EVPL: variants seen among roughly 807,000 people sequenced by gnomAD.
EVPL encodes the protein envoplakin.
EVPL carries 94 observed loss-of-function variants against 129.7 expected under a neutral mutation model. That is an observed-to-expected ratio of 0.72 (90% CI 0.61 to 0.86). The LOEUF is 0.86. EVPL is among the 40% of genes least tolerant of loss of function. The pLI is 0.00. For missense variants in EVPL, 2,625 were observed against 2,721.1 expected, an observed-to-expected ratio of 0.96 and a Z score of 0.79; for synonymous variants, 1,172 against 1,191.1, an observed-to-expected ratio of 0.98 and a Z score of 0.33.
intron 8 of EVPL, 43 bp from the exon 9 acceptor site, chr17:76,021,606 C>CCA: frequency 7.5e-7 from 1 of 1,336,560 alleles, no homozygotes; most frequent in Non-Finnish European, 9.9e-7. Context: ...GCCCCCCCCA[C>CCA]GTCCGCCCCA....
In EVPL at chr17:76,008,789, C is replaced by T. The variant is rs199961325; in HGVS notation, c.4416G>A (p.Pro1472=). The change falls in exon 22 of 22, where the codon CCG becomes CCA. Residue 1472 remains proline, a synonymous_variant. Coordinates refer to ENST00000301607, the MANE Select transcript of EVPL (RefSeq NM_001988.4). This position sits in a 1 kb window ranked among gnomAD's most constrained non-coding sequence, Gnocchi z 7.4. ...MEEVVKLEKD[P]DLEKSTEALR... is the part of the protein sequence containing the mutation. ...GGGCTTCCGTGGACTTCTCCAGGTCCGGGTCCTTCTCCAGCTTGACCACTT... is the reference window on the plus strand; with the variant it reads ...GGGCTTCCGTGGACTTCTCCAGGTCTGGGTCCTTCTCCAGCTTGACCACTT... 89 of 1,614,024 alleles carry T rather than the reference C, an allele frequency of 5.5e-5. No individual in the cohort carries two copies. Among genetic ancestry groups the T allele is most frequent in the Non-Finnish European group, 7.4e-5 (87 of 1,180,036 alleles).
In EVPL at chr17:76,009,270, G is replaced by A. The variant is rs145535523; in HGVS notation, c.3935C>T (p.Thr1312Met). Residue 1312 changes from threonine (T) to methionine (M), a missense_variant, in exon 22 of 22, where the codon ACG becomes ATG. Coordinates refer to ENST00000301607, the MANE Select transcript of EVPL (RefSeq NM_001988.4). The surrounding 1 kb of genome is among the most constrained non-coding windows in gnomAD (Gnocchi z 5.9). ...RRERAKVETK[T>M]VSKEVVRHEK... is the part of the protein sequence containing the mutation. The stretch of plus-strand genomic sequence containing the variant: ...GTGGCGCACCACCTCCTTGCTCACC[G>A]TCTTGGTCTCCACCTTGGCCCGCTC... The A allele has an allele frequency of 1.2e-6, 2 of 1,607,592 alleles. No homozygotes were observed. The highest frequency in any genetic ancestry group is 1.7e-6 in the Non-Finnish European group (2 of 1,179,900).
rs1231347436 is a variant in EVPL, at chr17:76,008,325, T to C, written c.4880A>G (p.Glu1627Gly). Residue 1627 changes from glutamate (E) to glycine (G), a missense_variant, in exon 22 of 22, where the codon GAG becomes GGG. Glu to Gly is a moderately conservative substitution (Grantham distance 98, BLOSUM62 -2). Transcript: ENST00000301607. This position sits in a 1 kb window ranked among gnomAD's most constrained non-coding sequence, Gnocchi z 7.4. ...GCCCCGCTGGGCCGCCTTCTGTCGC[T>C]CGCTCTCCGTCTTCTGGCTGAGCAG... is the stretch of plus-strand genomic sequence containing the variant. ...SKLLSQKTES[E>G]RQKAAQRGQE... 5.0e-6 allele frequency: 8 copies of C among 1,606,632 alleles called. No individual in the cohort carries two copies. In the South Asian group the frequency reaches 8.8e-5, roughly 18 times the overall value.
At chr17:76,021,366 A>C in intron 9 of EVPL, 102 bp downstream of exon 9, 3 of 1,100,316 alleles carry the variant, frequency 2.7e-6, no homozygotes, top group Non-Finnish European at 4.0e-6. Flanking sequence ...AGCTCTGTCT[A>C]GTTGGGAGGT....
intron 13 of EVPL, 108 bp from the exon 14 acceptor site, chr17:76,018,019 T>C: frequency 6.5e-7 from 1 of 1,549,082 alleles, no homozygotes; most frequent in East Asian, 2.3e-5. Flanking sequence ...GTGGAGGGGA[T>C]GGGCAGGGCC....
chr17:76,017,641 C>G, intron 14 of EVPL, 98 bp downstream of exon 14: 1 of 1,505,060 alleles, frequency 6.6e-7, no homozygotes, highest in Admixed American at 2.0e-5. Context: ...CATCTCCATC[C>G]CAGCCACCGC....
intron 18 of EVPL, among the ~76,000 whole-genome samples, chr17:76,012,921 T>C (rs377213386): frequency 3.8e-4 from 57 of 151,994 alleles, no homozygotes; most frequent in African/African-American, 1.2e-3. Flanking sequence ...ATTTTTTGTA[T>C]TTTTAGTAGA....
At chr17:76,018,033 C>A in intron 13 of EVPL, 122 bp from the exon 14 acceptor site, 1 of 1,534,728 alleles carries the variant, frequency 6.5e-7, no homozygotes, top group Non-Finnish European at 8.8e-7. Context: ...CAGGGCCACC[C>A]CAGAGATGAA....
Position 76,015,589 on chromosome 17 carries a change from C to G in EVPL, c.1750G>C (p.Glu584Gln). The change falls in exon 15 of 22, where the codon GAG becomes CAG. Residue 584 changes from glutamate to glutamine, a missense_variant. Physicochemically the swap from Glu to Gln is conservative, Grantham distance 29 (BLOSUM62 2). Coordinates refer to ENST00000301607, the MANE Select transcript of EVPL (RefSeq NM_001988.4). ...GCCTCGCACTCCTTCTGGGCTGTCT[C>G]CTTCTCCGTTCCCAGGCTCTGCAGG... ...QRLQSLGTEK[E>Q]TAQKECEAFL... 2 of 1,613,570 alleles carry G rather than the reference C, an allele frequency of 1.2e-6. No homozygotes were observed. Among genetic ancestry groups the G allele is most frequent in the Non-Finnish European group, 1.7e-6 (2 of 1,180,012 alleles).
rs201678162 is a variant in EVPL at position 76,019,005 on chromosome 17, C to T, written c.1193G>A (p.Arg398Gln). ...TGGCAGAGGGGCCACATCCCGGCTTCGCCGCTGCAGGTCCCCAGTGGCCCT... is the reference window on the plus strand; with the variant it reads ...TGGCAGAGGGGCCACATCCCGGCTTTGCCGCTGCAGGTCCCCAGTGGCCCT... ...TERATGDLQR[R>Q]SRDVAPLPQR... Residue 398 changes from arginine to glutamine, a missense_variant, in exon 11 of 22, where the codon CGA becomes CAA. By Grantham distance (43) the Arg-to-Gln change is conservative. Transcript: ENST00000301607. 47 of 1,570,070 alleles carry T rather than the reference C, an allele frequency of 3.0e-5. No individual in the cohort carries two copies. The highest frequency in any genetic ancestry group is 7.1e-5 in the East Asian group (3 of 42,214).
At position 76,021,457 on chromosome 17, in the gene EVPL, C is replaced by T. The variant is rs756082838; in HGVS notation, c.1011+11G>A. ...GCCCCTGCCGCCCCTGCCGCCTGCC[C>T]GAGGGCTCACCCGGCGGTAGTCCTC... On this transcript the variant is annotated intron_variant, in intron 9 of 21. Transcript: ENST00000301607. 1.2e-5 allele frequency: 20 copies of T among 1,603,032 alleles called. No homozygotes were observed. In the South Asian group the frequency reaches 2.0e-4, roughly 16 times the overall value.
At chr17:76,019,810 G>A (rs2066445058) in intron 9 of EVPL, among the ~76,000 whole-genome samples, 157 bp from the exon 10 acceptor site, 1 of 152,176 alleles carries the variant, frequency 6.6e-6, no homozygotes, top group African/African-American at 2.4e-5. Flanking sequence ...ATGTGAAACA[G>A]CTAAACTAAA....
Position 76,022,006 on chromosome 17 carries a change from T to A in EVPL, c.668A>T (p.Gln223Leu). ...DLLKAASWRGQSLGSLYTHLQ... is the reference protein window; with the variant it reads ...DLLKAASWRGLSLGSLYTHLQ... ...GTGCGTGTACAGGCTGCCCAGGCTC[T>A]GCCCGCGCCACGACGCCGCCTTCTG... Residue 223 changes from glutamine (Q) to leucine (L), a missense_variant, in exon 7 of 22, where the codon CAG becomes CTG. By Grantham distance (113) the Gln-to-Leu change is moderately radical (BLOSUM62 -2). This residue lies in a region of EVPL where 1,024 missense variants were observed against 997.5 expected (regional missense o/e 1.03). Transcript: ENST00000301607. The surrounding 1 kb of genome is among the most constrained non-coding windows in gnomAD (Gnocchi z 5.6). The A allele has an allele frequency of 6.4e-7, 1 of 1,560,904 alleles. No individual in the cohort carries two copies. Among genetic ancestry groups the A allele is most frequent in the Non-Finnish European group, 8.6e-7 (1 of 1,160,796 alleles).
Position 76,022,101 on chromosome 17 carries a change from G to T in EVPL, c.646-73C>A. On this transcript the variant is annotated intron_variant, in intron 6 of 21. Transcript: ENST00000301607. This position sits in a 1 kb window ranked among gnomAD's most constrained non-coding sequence, Gnocchi z 5.6. The stretch of plus-strand genomic sequence containing the variant: ...GGGGGGCAAAAGGCGCCATTGGGCC[G>T]CGCTCAGGAACACTGGCCCCGGGCA... 3 of 1,583,266 alleles carry T rather than the reference G, an allele frequency of 1.9e-6. No homozygotes were observed. The highest frequency in any genetic ancestry group is 2.3e-5 in the East Asian group (1 of 44,290).
Position 76,007,920 on chromosome 17 carries a change from T to C in EVPL, c.5285A>G (p.Glu1762Gly). 6.2e-7 allele frequency: 1 copy of C among 1,614,084 alleles called. No homozygotes were observed. Among genetic ancestry groups the C allele is most frequent in the Non-Finnish European group, 8.5e-7 (1 of 1,180,016 alleles). Residue 1762 changes from glutamate to glycine, a missense_variant, in exon 22 of 22, where the codon GAG becomes GGG. Physicochemically the swap from Glu to Gly is moderately conservative, Grantham distance 98. Transcript: ENST00000301607. The surrounding 1 kb of genome is among the most constrained non-coding windows in gnomAD (Gnocchi z 8.8). ...ALRCRRISKE[E>G]YHLYKDGHLP... ...GTGGCCGTCCTTGTACAGATGGTAC[T>C]CCTCCTTAGAGATGCGCCGGCAGCG...
At position 76,019,070 on chromosome 17, in the gene EVPL, GC is replaced by G; in HGVS notation, c.1138-11del. The G allele has an allele frequency of 6.4e-7, 1 of 1,573,078 alleles. No homozygotes were observed. Among genetic ancestry groups the G allele is most frequent in the Non-Finnish European group, 8.6e-7 (1 of 1,168,292 alleles). ...GCCGTTTTTCCTCTGCCTGCCGGGG[GC>G]CCAGGCAGTGGGGGACTCAGGCCAG... On this transcript the variant is annotated splice_polypyrimidine_tract_variant and intron_variant, in intron 10 of 21. Coordinates refer to ENST00000301607, the MANE Select transcript of EVPL (RefSeq NM_001988.4).
rs9906344 is a variant in EVPL, at chr17:76,022,865, G to C, written c.481-327C>G. Among the ~76,000 whole-genome samples the C allele has an allele frequency of 6.6e-6, 1 of 152,072 alleles. No individual in the cohort carries two copies. Among genetic ancestry groups the C allele is most frequent in the Admixed American group, 6.6e-5 (1 of 15,260 alleles). On this transcript the variant is annotated intron_variant, in intron 4 of 21. Transcript: ENST00000301607. This position sits in a 1 kb window ranked among gnomAD's most constrained non-coding sequence, Gnocchi z 5.6. ...CCCTCAGAATGCCCTGCTCCAGCCG[G>C]GCCCTTCCCCACTGTCCCTCTATTG...
chr17:76,007,967 C>G lies in EVPL; in HGVS notation c.5238G>C (p.Gln1746His), dbSNP rs915436091. Reference sequence around the variant, plus strand: ...AGCGGAGGGCGGCCTCGATGGAGTACTGCTTCCCGCTCTTGCGGTCCAGGA... The same window carrying G: ...AGCGGAGGGCGGCCTCGATGGAGTAGTGCTTCCCGCTCTTGCGGTCCAGGA... The part of the protein sequence containing the change: ...SVLLDRKSGK[Q>H]YSIEAALRCR... The change falls in exon 22 of 22, where the codon CAG (glutamine) becomes CAC (histidine). Residue 1746 changes from glutamine to histidine, a missense_variant. Transcript: ENST00000301607. The surrounding 1 kb of genome is among the most constrained non-coding windows in gnomAD (Gnocchi z 8.8). 2 of 1,614,142 alleles carry G rather than the reference C, an allele frequency of 1.2e-6. No homozygotes were observed. The highest frequency in any genetic ancestry group is 1.3e-5 in the African/African-American group (1 of 75,060).
rs895456591 is a variant in EVPL at position 76,018,507 on chromosome 17, C to T, written c.1378G>A (p.Ala460Thr). Residue 460 changes from alanine to threonine, a missense_variant, in exon 12 of 22, where the codon GCT (alanine) becomes ACT (threonine). Physicochemically the swap from Ala to Thr is moderately conservative, Grantham distance 58. Around this residue, in one of 4 missense-constraint regions of EVPL, gnomAD observed 1,024 missense variants for 997.5 expected, o/e 1.03. Coordinates refer to ENST00000301607, the MANE Select transcript of EVPL (RefSeq NM_001988.4). ...VQGPGGETKR[A>T]PAACFCIPAP... ...GGGATGCAGAAGCAGGCGGCGGGAG[C>T]ACGCTTGGTCTCCCCGCCAGGGCCC... is the stretch of plus-strand genomic sequence containing the variant. 1.2e-6 allele frequency: 2 copies of T among 1,612,504 alleles called. No homozygotes were observed. Among genetic ancestry groups the T allele is most frequent in the Non-Finnish European group, 1.7e-6 (2 of 1,179,752 alleles).
Sources: gnomAD v4.1 joint callset for allele counts (sites outside exome capture counted in the v4.1 genomes callset) on GRCh38, gnomAD v4.1.1 for gene constraint, gnomAD v4.1.1 regional missense constraint, Gnocchi (gnomAD v3.1) non-coding constraint, MANE v1.5 for transcripts, NCBI Gene and HGNC (gene_info 2026-07-23, HGNC 2026-07-21) for gene names.